HNRNPD: variants seen among roughly 807,000 people sequenced by gnomAD.
The protein encoded by HNRNPD is heterogeneous nuclear ribonucleoprotein D0.
HNRNPD carries 3 observed loss-of-function variants against 47.9 expected under a neutral mutation model. The ratio of observed to expected loss-of-function variants is 0.06; its 90% CI spans 0.03 to 0.16. The LOEUF (loss-of-function observed/expected upper bound fraction) is 0.16, where lower values mean the gene tolerates loss of function less well. HNRNPD is among the 10% of genes least tolerant of loss of function. The pLI is 1.00. For missense variants in HNRNPD, 287 were observed against 454.2 expected (o/e 0.63, Z 3.35); for synonymous variants, 171 against 165.1 (o/e 1.04, Z -0.28).
chr4:82,362,604 T>C (rs1719524798), intron 2 of HNRNPD, among the ~76,000 whole-genome samples: 1 of 152,182 alleles, frequency 6.6e-6, no homozygotes, highest in South Asian at 2.1e-4. Context: ...CTTTTTCTGT[T>C]TTTGGTTGCT....
At chr4:82,361,728 G>A (rs1263801489) in intron 2 of HNRNPD, among the ~76,000 whole-genome samples, 1 of 152,106 alleles carries the variant, frequency 6.6e-6, no homozygotes, top group Non-Finnish European at 1.5e-5. Flanking sequence ...GAGGTATGTG[G>A]TATTATTCTG....
At chr4:82,370,981 T>TACACAC (rs1553896641) in intron 2 of HNRNPD, among the ~76,000 whole-genome samples, 7,052 of 149,406 alleles carry the variant, frequency 0.047, 203 homozygotes, top group Middle Eastern at 0.12. Context: ...GGTATATATA[T>TACACAC]ACACACACAC....
intron 2 of HNRNPD, among the ~76,000 whole-genome samples, chr4:82,365,771 ATTTTTTT>A (rs80051188): frequency 9.4e-5 from 10 of 106,252 alleles, no homozygotes; most frequent in East Asian, 2.6e-4. Context: ...GGCCCAGCTA[ATTTTTTT>A]TTTTTTTTTT....
rs547116214 is a variant in HNRNPD, at chr4:82,359,885, A to C, written c.291-246T>G. 5.9e-5 allele frequency among the ~76,000 whole-genome samples: 9 copies of C among 152,298 alleles called. No homozygotes were observed. The South Asian group carries it at 1.9e-3, about 32-fold the overall frequency. ...AAGTCTTTCAACTTGCTAAAAGATA[A>C]ACATATACCCAAAGTAAAAATACTG... On this transcript the variant is annotated intron_variant, in intron 2 of 8. Transcript: ENST00000313899.
chr4:82,358,791 A>G lies in HNRNPD; in HGVS notation c.489T>C (p.Asn163=). The G allele has an allele frequency of 6.2e-7, 1 of 1,607,800 alleles. No individual in the cohort carries two copies. The highest frequency in any genetic ancestry group is 8.5e-7 in the Non-Finnish European group (1 of 1,178,412). The stretch of plus-strand genomic sequence containing the variant: ...CCCTTTTAGGATCAATCACCTTCCC[A>G]TTCAATTTATGTTCTTTTTGATCCA... ...KVMDQKEHKL[N]GKVIDPKRAK... is the part of the protein sequence containing the mutation. Residue 163 remains asparagine (N), a synonymous_variant, in exon 4 of 9, where the codon AAT becomes AAC. Coordinates refer to ENST00000313899, the MANE Select transcript of HNRNPD (RefSeq NM_031370.3).
chr4:82,360,630 CAA>C (rs1723924652), intron 2 of HNRNPD, among the ~76,000 whole-genome samples: 1 of 135,272 alleles, frequency 7.4e-6, no homozygotes, highest in Non-Finnish European at 1.7e-5. Context: ...CAGACTTGCT[CAA>C]CATTTTCTCT....
Position 82,357,191 on chromosome 4 carries a change from T to C in HNRNPD, c.753+122A>G, listed in dbSNP as rs1049186842. 3.4e-6 allele frequency: 4 copies of C among 1,164,058 alleles called. No individual in the cohort carries two copies. In the African/African-American group the frequency reaches 4.6e-5, roughly 13 times the overall value. 72.1% of individuals were successfully genotyped at this position (1,164,058 alleles called of 1,614,324 possible). ...CTCCCCACAAAAAGTTGGTCAATGG[T>C]AAGTAACCAATGAGAAGTTTTTAAA... On this transcript the variant is annotated intron_variant, in intron 5 of 8. Transcript: ENST00000313899.
Position 82,373,974 on chromosome 4 carries a change from C to T in HNRNPD, c.-296G>A, listed in dbSNP as rs1045038659. 1.5e-6 allele frequency: 1 copy of T among 654,846 alleles called. No individual in the cohort carries two copies. Among genetic ancestry groups the T allele is most frequent in the African/African-American group, 1.9e-5 (1 of 51,544 alleles). 40.6% of individuals were successfully genotyped at this position (654,846 alleles called of 1,614,324 possible). ...CTCGCTTTAATGGCGCCGCCGCGGA[C>T]CACCTAAAATGGCCGACGGAAGAAC... is the stretch of plus-strand genomic sequence containing the variant. On this transcript the variant is annotated 5_prime_UTR_variant, in exon 1 of 9. Coordinates refer to ENST00000313899, the MANE Select transcript of HNRNPD (RefSeq NM_031370.3).
chr4:82,358,182 C>T (rs765901130), intron 4 of HNRNPD: 2 of 153,314 alleles, frequency 1.3e-5, no homozygotes, highest in Non-Finnish European at 2.9e-5. Flanking sequence ...TCCTGGTCTC[C>T]AGTAATCCAC....
At chr4:82,357,287 T>A in intron 5 of HNRNPD, 26 bp downstream of exon 5, 1 of 1,591,718 alleles carries the variant, frequency 6.3e-7, no homozygotes, top group Non-Finnish European at 8.5e-7. Flanking sequence ...TAGTTTTCTC[T>A]ACAAGTAAAT....
chr4:82,360,396 C>T (rs1723911698), intron 2 of HNRNPD, among the ~76,000 whole-genome samples: 1 of 151,548 alleles, frequency 6.6e-6, no homozygotes, highest in South Asian at 2.1e-4. Flanking sequence ...TATTTTAAGG[C>T]GAAATCTTAC....
chr4:82,373,598 C>A lies in HNRNPD; in HGVS notation c.81G>T (p.Glu27Asp). 6.5e-7 allele frequency: 1 copy of A among 1,532,138 alleles called. No homozygotes were observed. Among genetic ancestry groups the A allele is most frequent in the East Asian group, 2.5e-5 (1 of 39,874 alleles). 94.9% of individuals were successfully genotyped at this position (1,532,138 alleles called of 1,614,324 possible). ...AAVGGSAGEQ[E>D]GAMVAATQGA... ...CCTGTGTCGCCGCCACCATGGCTCC[C>A]TCCTGCTCGCCCGCCGAGCCGCCTA... Residue 27 changes from glutamate to aspartate, a missense_variant, in exon 1 of 9, where the codon GAG (glutamate) becomes GAT (aspartate). Physicochemically the swap from Glu to Asp is conservative, Grantham distance 45. This residue lies in a region of HNRNPD where 161 missense variants were observed against 137.1 expected (regional missense o/e 1.17). Transcript: ENST00000313899.
chr4:82,373,538 G>A lies in HNRNPD; in HGVS notation c.141C>T (p.Thr47=). 2.6e-6 allele frequency: 4 copies of A among 1,539,266 alleles called. No homozygotes were observed. The highest frequency in any genetic ancestry group is 2.5e-5 in the East Asian group (1 of 39,314). Residue 47 remains threonine (T), a synonymous_variant, in exon 1 of 9, where the codon ACC becomes ACT. Transcript: ENST00000313899. ...TGCCTCCAGACGCGGTTCCGCCCCCGGTCCCGGCTCCGCTTCCCGCCGCCG... is the reference window on the plus strand; with the variant it reads ...TGCCTCCAGACGCGGTTCCGCCCCCAGTCCCGGCTCCGCTTCCCGCCGCCG... ...AAAAAGSGAG[T]GGGTASGGTE... is the part of the protein sequence containing the mutation.
chr4:82,363,233 T>C (rs1719579406), intron 2 of HNRNPD, among the ~76,000 whole-genome samples: 1 of 151,896 alleles, frequency 6.6e-6, no homozygotes, highest in African/African-American at 2.4e-5. Context: ...CATGCCACCA[T>C]GCCAGGCTAA....
intron 2 of HNRNPD, among the ~76,000 whole-genome samples, chr4:82,362,659 G>C (rs999368110): frequency 1.3e-5 from 2 of 151,996 alleles, no homozygotes; most frequent in African/African-American, 4.8e-5. Flanking sequence ...CTGGAGCGCA[G>C]TGGCACAATC....
chr4:82,367,466 CT>C (rs748572733), intron 2 of HNRNPD, among the ~76,000 whole-genome samples: 14 of 152,272 alleles, frequency 9.2e-5, no homozygotes, highest in Non-Finnish European at 2.1e-4. Context: ...AATCATGTTA[CT>C]TTTCAAAAGT....
At chr4:82,354,656 T>G (rs1723640474) in intron 8 of HNRNPD, 1 of 152,654 alleles carries the variant, frequency 6.6e-6, no homozygotes, top group African/African-American at 2.4e-5. Context: ...AGCATTAAAA[T>G]AGATTAATAA....
chr4:82,371,661 T>G (rs890994014), intron 1 of HNRNPD, 77 bp from the exon 2 acceptor site: 1 of 1,140,736 alleles, frequency 8.8e-7, no homozygotes, highest in Admixed American at 1.9e-5. Context: ...GTTAAAAACT[T>G]TAATTCATTT....
intron 2 of HNRNPD, among the ~76,000 whole-genome samples, chr4:82,369,128 T>A (rs1719905298): frequency 6.6e-6 from 1 of 152,222 alleles, no homozygotes; most frequent in South Asian, 2.1e-4. Context: ...CTTTAAAAAC[T>A]CTGCCCTCAG....
Sources: gnomAD v4.1 joint callset for allele counts (sites outside exome capture counted in the v4.1 genomes callset) on GRCh38, gnomAD v4.1.1 for gene constraint, gnomAD v4.1.1 regional missense constraint, MANE v1.5 for transcripts, NCBI Gene and HGNC (gene_info 2026-07-23, HGNC 2026-07-21) for gene names.